The following BRINP1 variants were observed in gnomAD, a reference collection of about 807,000 sequenced individuals.
The protein encoded by BRINP1 is BMP/retinoic acid inducible neural specific 1, also known as BMP/retinoic acid-inducible neural-specific protein 1.
In BRINP1, 17 loss-of-function variants were observed where a neutral mutation model predicts 72.9. That is an observed-to-expected ratio of 0.23 (90% CI 0.16 to 0.35). The LOEUF is 0.35. BRINP1 is among the 10% of genes least tolerant of loss of function. The pLI, the probability that BRINP1 is intolerant of heterozygous loss-of-function variation, is 1.00. For synonymous variants in BRINP1, 418 were observed against 378.5 expected, an observed-to-expected ratio of 1.10 and a Z score of -1.21; for missense variants, 850 against 1,001.6, an observed-to-expected ratio of 0.85 and a Z score of 2.04.
At chr9:119,175,040 T>C (rs866391434) in intron 7 of BRINP1, among the ~76,000 whole-genome samples, 3 of 144,906 alleles carry the variant, frequency 2.1e-5, no homozygotes, top group East Asian at 4.1e-4. Context: ...GTGGGTGCAG[T>C]GCACCAGCAT....
intron 1 of BRINP1, among the ~76,000 whole-genome samples, chr9:119,359,167 C>A (rs936094433): frequency 6.6e-6 from 1 of 152,136 alleles, no homozygotes; most frequent in Non-Finnish European, 1.5e-5. Context: ...TAATTAAATA[C>A]ACACATGCCT....
Position 119,311,668 on chromosome 9 carries a change from C to T in BRINP1, c.218+1470G>A, listed in dbSNP as rs985868150. 3.3e-5 allele frequency among the ~76,000 whole-genome samples: 5 copies of T among 152,172 alleles called. No individual in the cohort carries two copies. In the East Asian group the frequency reaches 5.8e-4, roughly 18 times the overall value. ...CTTACCTAATGTCACAAGACCAGTG[C>T]GTGAAGAACTGAAATCAGTATCTAG... On this transcript the variant is annotated intron_variant, in intron 2 of 7. Transcript: ENST00000265922.
At chr9:119,257,086 A>G (rs1338645730) in intron 2 of BRINP1, among the ~76,000 whole-genome samples, 1 of 152,244 alleles carries the variant, frequency 6.6e-6, no homozygotes, top group African/African-American at 2.4e-5. Context: ...GTGAACTGCA[A>G]GTGTCTCTGA....
chr9:119,259,577 G>A (rs762884695), intron 2 of BRINP1, among the ~76,000 whole-genome samples: 1 of 152,064 alleles, frequency 6.6e-6, no homozygotes, highest in Admixed American at 6.6e-5. Context: ...GTGAAAGAGC[G>A]ACTCATAACT....
intron 5 of BRINP1, among the ~76,000 whole-genome samples, chr9:119,223,579 A>T (rs535661026): frequency 6.6e-6 from 1 of 152,096 alleles, no homozygotes; most frequent in Non-Finnish European, 1.5e-5. Flanking sequence ...CCTGAATGCA[A>T]AACACAGCTC....
chr9:119,246,581 C>G (rs886687644), intron 3 of BRINP1, among the ~76,000 whole-genome samples: 2 of 152,118 alleles, frequency 1.3e-5, no homozygotes, highest in Non-Finnish European at 2.9e-5. Flanking sequence ...ATACATCTAT[C>G]CTATTAGTTC....
chr9:119,264,364 T>C (rs1416546513), intron 2 of BRINP1, among the ~76,000 whole-genome samples: 1 of 152,222 alleles, frequency 6.6e-6, no homozygotes, highest in Admixed American at 6.5e-5. Context: ...TTGACAACCT[T>C]ACAATTCTTC....
chr9:119,334,096 C>T (rs1831326655), intron 1 of BRINP1, among the ~76,000 whole-genome samples: 1 of 152,142 alleles, frequency 6.6e-6, no homozygotes, highest in African/African-American at 2.4e-5. Context: ...GGGAGTGGGG[C>T]CCAGCACACA....
chr9:119,309,355 C>T (rs1340719183), intron 2 of BRINP1, among the ~76,000 whole-genome samples: 1 of 152,086 alleles, frequency 6.6e-6, no homozygotes, highest in African/African-American at 2.4e-5. Context: ...AGTTAAGGGC[C>T]CATGTTCGGA....
chr9:119,325,161 G>C (rs1373583585), intron 1 of BRINP1, among the ~76,000 whole-genome samples: 3 of 150,810 alleles, frequency 2.0e-5, no homozygotes, highest in Non-Finnish European at 4.4e-5. Flanking sequence ...AGAGGAGAGA[G>C]GAAAAAAGAA....
intron 7 of BRINP1, among the ~76,000 whole-genome samples, chr9:119,203,480 G>T (rs566271228): frequency 2.0e-5 from 3 of 152,216 alleles, no homozygotes; most frequent in Admixed American, 6.5e-5. Context: ...AAAAGAATAA[G>T]AACAATACCT....
intron 7 of BRINP1, among the ~76,000 whole-genome samples, chr9:119,183,788 G>A (rs1439018543): frequency 6.6e-6 from 1 of 152,116 alleles, no homozygotes; most frequent in African/African-American, 2.4e-5. Context: ...CCCAGGCTGG[G>A]TTGAGAGAGT....
chr9:119,174,454 A>AAGTC (rs1829457115), intron 7 of BRINP1, among the ~76,000 whole-genome samples: 1 of 148,610 alleles, frequency 6.7e-6, no homozygotes, highest in East Asian at 2.0e-4. Context: ...AAACATTAAA[A>AAGTC]AGTCAGGAAA....
intron 5 of BRINP1, among the ~76,000 whole-genome samples, chr9:119,231,910 A>G (rs1002486186): frequency 4.6e-5 from 7 of 152,016 alleles, no homozygotes; most frequent in Admixed American, 4.6e-4. Context: ...ATCTTGTTCA[A>G]TCTCAGATAA....
chr9:119,170,984 C>G (rs1321092824), intron 7 of BRINP1, among the ~76,000 whole-genome samples: 10 of 143,476 alleles, frequency 7.0e-5, no homozygotes, highest in African/African-American at 2.5e-4. Flanking sequence ...GAAGGAAGCG[C>G]TAAACATGGA....
At chr9:119,172,454 A>C (rs1441264212) in intron 7 of BRINP1, among the ~76,000 whole-genome samples, 1 of 152,104 alleles carries the variant, frequency 6.6e-6, no homozygotes, top group Non-Finnish European at 1.5e-5. Flanking sequence ...CTCTGAATAG[A>C]CCAATAACAG....
chr9:119,192,781 A>G (rs546329541), intron 7 of BRINP1, among the ~76,000 whole-genome samples: 5 of 152,276 alleles, frequency 3.3e-5, no homozygotes, highest in African/African-American at 1.2e-4. Context: ...AGCACAGATA[A>G]AGATATCTGC....
At chr9:119,326,553 T>G (rs1008461328) in intron 1 of BRINP1, among the ~76,000 whole-genome samples, 4 of 152,214 alleles carry the variant, frequency 2.6e-5, no homozygotes, top group Non-Finnish European at 5.9e-5. Context: ...AATATTTCAT[T>G]TGGACCCACA....
chr9:119,337,599 T>C (rs1831359798), intron 1 of BRINP1, among the ~76,000 whole-genome samples: 1 of 152,220 alleles, frequency 6.6e-6, no homozygotes, highest in Non-Finnish European at 1.5e-5. Flanking sequence ...AGATTCTCCC[T>C]TAACTACATC....
Sources: gnomAD v4.1 joint callset for allele counts (sites outside exome capture counted in the v4.1 genomes callset) on GRCh38, gnomAD v4.1.1 for gene constraint, MANE v1.5 for transcripts, NCBI Gene and HGNC (gene_info 2026-07-23, HGNC 2026-07-21) for gene names.